Variants in CNTN1 observed in about 807,000 individuals in gnomAD.
CNTN1 encodes the protein contactin 1.
CNTN1 carries 38 observed loss-of-function variants against 126.4 expected under a neutral mutation model. The ratio of observed to expected loss-of-function variants is 0.30; its 90% CI spans 0.23 to 0.39. The LOEUF is 0.39. CNTN1 is among the 10% of genes least tolerant of loss of function. The probability of loss-of-function intolerance (pLI) is 1.00; values close to 1 mark genes in which losing one functional copy is unlikely to be tolerated. For synonymous variants in CNTN1, 413 were observed against 422.6 expected, an observed-to-expected ratio of 0.98 and a Z score of 0.28; for missense variants, 1,009 against 1,248.4, an observed-to-expected ratio of 0.81 and a Z score of 2.89.
intron 15 of CNTN1, among the ~76,000 whole-genome samples, chr12:40,975,178 TTATA>T (rs58939653): frequency 0.029 from 1,396 of 47,784 alleles, 21 homozygotes; most frequent in East Asian, 0.12. Context: ...GTAAAATGGA[TTATA>T]TATATATATA....
At chr12:40,910,188 C>T in intron 3 of CNTN1, 83 bp downstream of exon 3, 1 of 1,128,530 alleles carries the variant, frequency 8.9e-7, no homozygotes, top group Non-Finnish European at 1.3e-6. Flanking sequence ...TATTAACTCT[C>T]TAAACTTTAA....
intron 1 of CNTN1, among the ~76,000 whole-genome samples, chr12:40,906,608 C>T (rs897372387): frequency 1.3e-5 from 2 of 150,334 alleles, no homozygotes; most frequent in African/African-American, 2.4e-5. Flanking sequence ...TAAATATGTT[C>T]GACTATATTT....
intron 23 of CNTN1, among the ~76,000 whole-genome samples, chr12:41,051,932 A>G (rs907993098): frequency 3.3e-5 from 5 of 150,384 alleles, no homozygotes; most frequent in Non-Finnish European, 7.4e-5. Context: ...ACACACACAC[A>G]CACACACAAA....
intron 5 of CNTN1, among the ~76,000 whole-genome samples, chr12:40,922,772 A>C (rs1404134469): frequency 6.6e-6 from 1 of 152,088 alleles, no homozygotes; most frequent in Non-Finnish European, 1.5e-5. Flanking sequence ...GGAGATCGAG[A>C]CCATCCTGGC....
chr12:40,814,676 C>T (rs774986031), intron 1 of CNTN1, among the ~76,000 whole-genome samples: 4 of 151,972 alleles, frequency 2.6e-5, no homozygotes, highest in Non-Finnish European at 5.9e-5. Context: ...CTTGGCAATG[C>T]AGGCTCTTTT....
chr12:41,040,448 C>T (rs539161298), intron 23 of CNTN1, among the ~76,000 whole-genome samples: 12 of 152,058 alleles, frequency 7.9e-5, no homozygotes, highest in South Asian at 4.1e-4. Flanking sequence ...AAATTAGAGA[C>T]GAGGAAATTA....
chr12:40,964,010 G>C (rs1299928233), intron 15 of CNTN1, among the ~76,000 whole-genome samples: 1 of 151,948 alleles, frequency 6.6e-6, no homozygotes, highest in Non-Finnish European at 1.5e-5. Flanking sequence ...CATAAAATTA[G>C]GCCCCAAATG....
chr12:40,722,863 T>C (rs1037880176), intron 1 of CNTN1, among the ~76,000 whole-genome samples: 1 of 152,108 alleles, frequency 6.6e-6, no homozygotes, highest in African/African-American at 2.4e-5. Flanking sequence ...TATAAGGCAG[T>C]AAAATTTTCA....
At chr12:40,720,495 G>A (rs559250377) in intron 1 of CNTN1, among the ~76,000 whole-genome samples, 11 of 152,022 alleles carry the variant, frequency 7.2e-5, no homozygotes, top group East Asian at 5.8e-4. Context: ...ATACCATTTC[G>A]TTTATGTGAC....
intron 2 of CNTN1, among the ~76,000 whole-genome samples, chr12:40,909,112 C>T (rs748635042): frequency 6.6e-6 from 1 of 151,916 alleles, no homozygotes; most frequent in African/African-American, 2.4e-5. Flanking sequence ...AACTCTTTTG[C>T]CAATTTGATC....
At chr12:40,833,399 A>C (rs963011781) in intron 1 of CNTN1, among the ~76,000 whole-genome samples, 1 of 152,146 alleles carries the variant, frequency 6.6e-6, no homozygotes, top group African/African-American at 2.4e-5. Flanking sequence ...CCTGGCCAAC[A>C]AGTTGTCTTT....
intron 17 of CNTN1, among the ~76,000 whole-genome samples, chr12:41,003,202 A>G (rs916552513): frequency 3.9e-5 from 6 of 152,164 alleles, no homozygotes; most frequent in Non-Finnish European, 4.4e-5. Flanking sequence ...TGATTTAATC[A>G]TGTGGTTTTT....
chr12:40,833,070 T>C (rs1488518964), intron 1 of CNTN1, among the ~76,000 whole-genome samples: 1 of 152,048 alleles, frequency 6.6e-6, no homozygotes, highest in Non-Finnish European at 1.5e-5. Flanking sequence ...TATCTTTTTT[T>C]TTTGAGATGG....
At chr12:40,919,875 G>A (rs975930060) in intron 4 of CNTN1, among the ~76,000 whole-genome samples, 3 of 152,086 alleles carry the variant, frequency 2.0e-5, no homozygotes, top group African/African-American at 4.8e-5. Flanking sequence ...TGATGGGCTA[G>A]ACTTATTTCC....
chr12:40,829,498 T>A (rs1941735025), intron 1 of CNTN1, among the ~76,000 whole-genome samples: 1 of 152,136 alleles, frequency 6.6e-6, no homozygotes, highest in African/African-American at 2.4e-5. Context: ...AGTATCACTT[T>A]ATTTTTTTTA....
chr12:40,705,819 C>A (rs1941723890), intron 1 of CNTN1, among the ~76,000 whole-genome samples: 1 of 152,134 alleles, frequency 6.6e-6, no homozygotes, highest in African/African-American at 2.4e-5. Context: ...AGCTTCTAAT[C>A]ATGGTGGAAG....
intron 1 of CNTN1, among the ~76,000 whole-genome samples, chr12:40,726,829 T>C (rs1310242294): frequency 1.3e-5 from 2 of 151,050 alleles, no homozygotes; most frequent in Non-Finnish European, 1.5e-5. Context: ...TGAATTAAAA[T>C]AAGTTAGCCA....
At chr12:40,713,745 T>C (rs1300482635) in intron 1 of CNTN1, among the ~76,000 whole-genome samples, 9 of 152,030 alleles carry the variant, frequency 5.9e-5, no homozygotes, top group Admixed American at 5.9e-4. Context: ...CTCTATATGT[T>C]CCCAATACAA....
chr12:40,843,864 A>G (rs1438687325), intron 1 of CNTN1, among the ~76,000 whole-genome samples: 1 of 152,092 alleles, frequency 6.6e-6, no homozygotes, highest in Non-Finnish European at 1.5e-5. Flanking sequence ...GAAATCCTTG[A>G]GAGGAGTAGA....
Sources: allele counts gnomAD v4.1 joint callset (sites outside exome capture counted in the v4.1 genomes callset), GRCh38; gene constraint gnomAD v4.1.1; transcripts MANE v1.5; gene names NCBI Gene and HGNC (gene_info 2026-07-23, HGNC 2026-07-21).